RPH3A: variants seen among roughly 807,000 people sequenced by gnomAD.
RPH3A encodes rabphilin-3A.
A neutral mutation model predicts 102.2 loss-of-function variants in RPH3A; 48 were observed. The observed-to-expected ratio is 0.47, with a 90% CI of 0.37 to 0.60. The LOEUF (loss-of-function observed/expected upper bound fraction) is 0.60. Ranked by LOEUF, RPH3A falls within the 20% of genes least tolerant of loss-of-function variation. RPH3A has a pLI of 0.00. For missense variants in RPH3A, 781 were observed against 910.1 expected, an observed-to-expected ratio of 0.86 and a Z score of 1.83; for synonymous variants, 310 against 324.3, an observed-to-expected ratio of 0.96 and a Z score of 0.47.
At chr12:112,712,559 A>G (rs1379066806) in intron 1 of RPH3A, among the ~76,000 whole-genome samples, 1 of 152,182 alleles carries the variant, frequency 6.6e-6, no homozygotes, top group Non-Finnish European at 1.5e-5. Flanking sequence ...CTAAGATGCT[A>G]CTGAAGCAAT....
At chr12:112,651,915 G>A (rs1318966953) in intron 1 of RPH3A, 1 of 152,168 alleles carries the variant, frequency 6.6e-6, no homozygotes, top group Admixed American at 6.5e-5. Flanking sequence ...TTTGTAGCAT[G>A]TATCAGTATT....
chr12:112,762,907 G>A (rs2040863642), intron 1 of RPH3A, among the ~76,000 whole-genome samples: 1 of 152,186 alleles, frequency 6.6e-6, no homozygotes, highest in African/African-American at 2.4e-5. Flanking sequence ...CAGGAAGAAG[G>A]AATATGCTGA....
chr12:112,891,028 G>C, intron 19 of RPH3A, 25 bp downstream of exon 19: 2 of 1,613,468 alleles, frequency 1.2e-6, no homozygotes, highest in Non-Finnish European at 1.7e-6. Context: ...TGGGGCTACA[G>C]GTGGGCCCTG....
chr12:112,652,501 C>T (rs2039981647), intron 1 of RPH3A, among the ~76,000 whole-genome samples: 1 of 152,028 alleles, frequency 6.6e-6, no homozygotes, highest in Non-Finnish European at 1.5e-5. Context: ...ACCTGTTGCT[C>T]CCTCCATTTG....
intron 1 of RPH3A, among the ~76,000 whole-genome samples, chr12:112,682,474 C>T (rs2040234245): frequency 6.6e-6 from 1 of 151,756 alleles, no homozygotes; most frequent in South Asian, 2.1e-4. Context: ...CACCACATGC[C>T]CAGAAATAAT....
At chr12:112,861,084 T>C (rs2042504857) in intron 5 of RPH3A, among the ~76,000 whole-genome samples, 1 of 152,226 alleles carries the variant, frequency 6.6e-6, no homozygotes, top group African/African-American at 2.4e-5. Context: ...ATGCTCTGTA[T>C]GGAATGAGGT....
intron 1 of RPH3A, among the ~76,000 whole-genome samples, chr12:112,669,097 G>A (rs563125507): frequency 2.6e-5 from 4 of 152,268 alleles, no homozygotes; most frequent in African/African-American, 9.6e-5. Context: ...GGTTGTGTAG[G>A]TTGCTCACTG....
At chr12:112,878,508 T>C (rs1355146417) in intron 13 of RPH3A, among the ~76,000 whole-genome samples, 1 of 152,220 alleles carries the variant, frequency 6.6e-6, no homozygotes, top group Non-Finnish European at 1.5e-5. Flanking sequence ...TGCCAGCTAT[T>C]CTCCTGGAGC....
rs535103084 is a variant in RPH3A at position 112,786,684 on chromosome 12, T to C, written c.-139-5459T>C. 2.4e-4 allele frequency among the ~76,000 whole-genome samples: 37 copies of C among 152,322 alleles called. 1 individual carries two copies. The South Asian group carries it at 7.3e-3, about 30-fold the overall frequency. On this transcript the variant is annotated intron_variant, in intron 1 of 21. Transcript: ENST00000543106. ...GTATTGTTCAGAACAGGTTGTAGTA[T>C]GATTGAAGCACTGGGTTCTTTGTCT...
intron 1 of RPH3A, among the ~76,000 whole-genome samples, chr12:112,589,051 T>G (rs2039458103): frequency 1.3e-5 from 2 of 151,580 alleles, no homozygotes; most frequent in South Asian, 4.2e-4. Flanking sequence ...GAACAGCATA[T>G]GCAAAGGCCT....
At chr12:112,825,356 G>A (rs1243051248) in intron 2 of RPH3A, among the ~76,000 whole-genome samples, 1 of 152,134 alleles carries the variant, frequency 6.6e-6, no homozygotes. Context: ...CACAAAGATT[G>A]AATAATTACA....
chr12:112,580,560 C>A (rs544894797), intron 1 of RPH3A, among the ~76,000 whole-genome samples: 148 of 152,002 alleles, frequency 9.7e-4, no homozygotes, highest in African/African-American at 3.5e-3. Context: ...CCCGCCACCA[C>A]GCCCGGCTAA....
chr12:112,731,644 G>A (rs2040634979), intron 1 of RPH3A, among the ~76,000 whole-genome samples: 2 of 152,140 alleles, frequency 1.3e-5, no homozygotes, highest in Non-Finnish European at 2.9e-5. Context: ...TGTGCAGTTT[G>A]TGCCATCTCG....
At chr12:112,717,489 T>C (rs1425875497) in intron 1 of RPH3A, among the ~76,000 whole-genome samples, 3 of 152,152 alleles carry the variant, frequency 2.0e-5, no homozygotes, top group Admixed American at 6.5e-5. Flanking sequence ...ATATAATATA[T>C]ATGTAATATA....
Position 112,894,621 on chromosome 12 carries a change from CAAATT to C in RPH3A, c.1823_1827del (p.Ile608LysfsTer10). The C allele has an allele frequency of 6.2e-7, 1 of 1,613,860 alleles. No individual in the cohort carries two copies. The highest frequency in any genetic ancestry group is 8.5e-7 in the Non-Finnish European group (1 of 1,179,934). On this transcript the variant is annotated frameshift_variant, in exon 20 of 22. Coordinates refer to ENST00000389385, the MANE Select transcript of RPH3A (RefSeq NM_001143854.2). LOFTEE classifies it high-confidence loss of function. ...GGGAAAGAAGGCCAAACACAAGACT[CAAATT>C]AAAAAGAAAACCTTGAATCCCGAAT...
At chr12:112,783,660 A>C (rs1004688884) in intron 1 of RPH3A, among the ~76,000 whole-genome samples, 1 of 152,244 alleles carries the variant, frequency 6.6e-6, no homozygotes, top group Non-Finnish European at 1.5e-5. Context: ...TAATTCCAAG[A>C]AACACATGTT....
At chr12:112,633,695 G>A (rs2039824620) in intron 1 of RPH3A, among the ~76,000 whole-genome samples, 1 of 152,154 alleles carries the variant, frequency 6.6e-6, no homozygotes, top group African/African-American at 2.4e-5. Context: ...CAAGTATTCT[G>A]TTATAAGCAA....
chr12:112,744,645 G>T, intron 1 of RPH3A, among the ~76,000 whole-genome samples: 1 of 152,072 alleles, frequency 6.6e-6, no homozygotes, highest in Non-Finnish European at 1.5e-5. Flanking sequence ...ACTCTTTGCA[G>T]GAGTCCTATA....
At chr12:112,736,311 T>A (rs940090900) in intron 1 of RPH3A, among the ~76,000 whole-genome samples, 5 of 152,160 alleles carry the variant, frequency 3.3e-5, no homozygotes, top group Non-Finnish European at 2.9e-5. Flanking sequence ...TTGAGAACCA[T>A]TGCTTAGCCA....
Sources: gnomAD v4.1 joint callset for allele counts (sites outside exome capture counted in the v4.1 genomes callset) on GRCh38, gnomAD v4.1.1 for gene constraint, MANE v1.5 for transcripts, NCBI Gene and HGNC (gene_info 2026-07-23, HGNC 2026-07-21) for gene names.